SUGCT: variants seen among roughly 807,000 people sequenced by gnomAD.
SUGCT encodes the protein succinyl-CoA:glutarate CoA-transferase.
SUGCT carries 41 observed loss-of-function variants against 55.0 expected under a neutral mutation model. That is an observed-to-expected ratio of 0.74 (90% CI 0.58 to 0.97). The LOEUF (loss-of-function observed/expected upper bound fraction) is 0.97, where lower values mean the gene tolerates loss of function less well. SUGCT is among the 50% of genes least tolerant of loss of function. The pLI is 0.00. For missense variants in SUGCT, 568 were observed against 547.8 expected (o/e 1.04, Z -0.37); for synonymous variants, 187 against 200.4 (o/e 0.93, Z 0.56).
At chr7:40,824,792 G>C (rs1220022954) in intron 13 of SUGCT, among the ~76,000 whole-genome samples, 3 of 152,196 alleles carry the variant, frequency 2.0e-5, no homozygotes. Context: ...GTGAGAGCAA[G>C]AAAAAGAGAG....
chr7:40,254,696 A>T (rs1460711058), intron 7 of SUGCT, among the ~76,000 whole-genome samples: 1 of 151,748 alleles, frequency 6.6e-6, no homozygotes, highest in African/African-American at 2.4e-5. Context: ...CACCCAGCCA[A>T]CAATTTATTT....
intron 13 of SUGCT, among the ~76,000 whole-genome samples, chr7:40,804,079 G>A (rs138214401): frequency 1.1e-4 from 17 of 152,180 alleles, no homozygotes; most frequent in East Asian, 1.9e-4. Flanking sequence ...ATTCTTTGTC[G>A]CAAAGGGGCT....
At chr7:40,205,823 A>G (rs1276675633) in intron 6 of SUGCT, among the ~76,000 whole-genome samples, 1 of 152,016 alleles carries the variant, frequency 6.6e-6, no homozygotes, top group East Asian at 1.9e-4. Context: ...AAAAAGAGAA[A>G]CCCAAAACTT....
intron 8 of SUGCT, among the ~76,000 whole-genome samples, chr7:40,295,183 T>G (rs927714060): frequency 1.3e-5 from 2 of 152,176 alleles, no homozygotes; most frequent in African/African-American, 4.8e-5. Context: ...ATGATACAAA[T>G]GTATAATTTA....
chr7:40,851,594 C>T (rs1464727298), intron 13 of SUGCT, among the ~76,000 whole-genome samples: 1 of 152,172 alleles, frequency 6.6e-6, no homozygotes, highest in Non-Finnish European at 1.5e-5. Context: ...TTGTCATTAT[C>T]CTACACCGCT....
intron 6 of SUGCT, among the ~76,000 whole-genome samples, chr7:40,225,151 G>T (rs1245503609): frequency 6.6e-6 from 1 of 152,210 alleles, no homozygotes; most frequent in Non-Finnish European, 1.5e-5. Context: ...GTAAAACAAA[G>T]TGGGAATTCT....
chr7:40,550,875 A>G (rs1359702711), intron 12 of SUGCT, among the ~76,000 whole-genome samples: 2 of 152,136 alleles, frequency 1.3e-5, no homozygotes, highest in African/African-American at 2.4e-5. Context: ...TCCATTTACT[A>G]TAGTACTACA....
At chr7:40,262,181 G>T (rs928090685) in intron 7 of SUGCT, among the ~76,000 whole-genome samples, 1 of 152,138 alleles carries the variant, frequency 6.6e-6, no homozygotes, top group African/African-American at 2.4e-5. Context: ...GGCTGCCAAT[G>T]AATTGATTCT....
intron 9 of SUGCT, among the ~76,000 whole-genome samples, chr7:40,366,302 A>G (rs1390275374): frequency 3.9e-5 from 6 of 152,202 alleles, no homozygotes; most frequent in Non-Finnish European, 8.8e-5. Context: ...ACCTAAAACC[A>G]TAAAAACCCT....
intron 8 of SUGCT, among the ~76,000 whole-genome samples, chr7:40,277,115 C>T (rs147628255): frequency 6.6e-6 from 1 of 151,976 alleles, no homozygotes; most frequent in East Asian, 1.9e-4. Flanking sequence ...TTGCTTTTGG[C>T]AAAAAAAGTA....
chr7:40,995,262 T>C, the SUGCT span, among the ~76,000 whole-genome samples: 1 of 152,026 alleles, frequency 6.6e-6, no homozygotes, highest in Non-Finnish European at 1.5e-5. Context: ...AATGTTATCT[T>C]CTTGGTGTCT....
chr7:40,684,279 G>T, intron 12 of SUGCT: 1 of 1,207,016 alleles, frequency 8.3e-7, no homozygotes, highest in Non-Finnish European at 1.1e-6. Flanking sequence ...TTAGGACATA[G>T]CATCTTTGGG....
chr7:40,190,028 A>G (rs1026419988), intron 5 of SUGCT, among the ~76,000 whole-genome samples: 2 of 152,172 alleles, frequency 1.3e-5, no homozygotes, highest in Admixed American at 1.3e-4. Context: ...GGAAAGTCCA[A>G]GCTTTCTCTA....
intron 9 of SUGCT, among the ~76,000 whole-genome samples, chr7:40,325,898 C>CTTTTTTTTTTTT (rs71560191): frequency 8.2e-6 from 1 of 122,182 alleles, no homozygotes; most frequent in Non-Finnish European, 1.7e-5. Flanking sequence ...GGATGTGCGT[C>CTTTTTTTTTTTT]TTTTTTTTTT....
intron 11 of SUGCT, 86 bp from the exon 12 acceptor site, chr7:40,496,198 C>A: frequency 1.3e-6 from 1 of 781,696 alleles, no homozygotes; most frequent in Non-Finnish European, 2.1e-6. Flanking sequence ...ATGACTATTG[C>A]TTGCTTTCAA....
At chr7:40,926,757 A>G in the SUGCT span, among the ~76,000 whole-genome samples, 3 of 152,224 alleles carry the variant, frequency 2.0e-5, no homozygotes, top group African/African-American at 7.2e-5. Flanking sequence ...TGGCATCTTG[A>G]TCTTGGATTT....
chr7:40,211,091 C>T (rs1256720466), intron 6 of SUGCT, among the ~76,000 whole-genome samples: 1 of 151,926 alleles, frequency 6.6e-6, no homozygotes, highest in Non-Finnish European at 1.5e-5. Context: ...ATTCTTGTGC[C>T]TGTCTCTCGA....
chr7:40,939,262 A>G, the SUGCT span, among the ~76,000 whole-genome samples: 1 of 150,962 alleles, frequency 6.6e-6, no homozygotes, highest in African/African-American at 2.4e-5. Context: ...CTTGAGACTT[A>G]TTGACTACCA....
At chr7:40,142,140 TGGA>T (rs1788023079) in intron 1 of SUGCT, among the ~76,000 whole-genome samples, 1 of 152,042 alleles carries the variant, frequency 6.6e-6, no homozygotes, top group African/African-American at 2.4e-5. Context: ...TTAGTCATGG[TGGA>T]GCAGGTAATC....
Sources: gnomAD v4.1 joint callset for allele counts (sites outside exome capture counted in the v4.1 genomes callset) on GRCh38, gnomAD v4.1.1 for gene constraint, MANE v1.5 for transcripts, NCBI Gene and HGNC (gene_info 2026-07-23, HGNC 2026-07-21) for gene names.